SLC7A2: variants seen among roughly 807,000 people sequenced by gnomAD.
The protein encoded by SLC7A2 is solute carrier family 7 member 2.
In SLC7A2, 48 loss-of-function variants were observed where a neutral mutation model predicts 58.9. The observed-to-expected ratio is 0.82, with a 90% confidence interval of 0.65 to 1.04. The LOEUF is 1.04. Ranked by LOEUF, SLC7A2 falls within the 50% of genes least tolerant of loss-of-function variation. SLC7A2 has a pLI of 0.00. For synonymous variants in SLC7A2, 363 were observed against 314.5 expected (o/e 1.15, Z -1.63); for missense variants, 1,029 against 818.8 (o/e 1.26, Z -3.13).
Position 17,570,443 on chromosome 8 carries a change from C to G in SLC7A2, c.*5297C>G, listed in dbSNP as rs1803454197. On this transcript the variant is annotated 3_prime_UTR_variant, in exon 13 of 13. Coordinates refer to ENST00000494857, the MANE Select transcript of SLC7A2 (RefSeq NM_001370338.1). ...AATGTTTTAAGTGATCATCAGTGTTCCTTTTTACTTATAAAGTTGGATTCT... is the reference window on the plus strand; with the variant it reads ...AATGTTTTAAGTGATCATCAGTGTTGCTTTTTACTTATAAAGTTGGATTCT... 1 of 152,412 alleles carries G rather than the reference C, an allele frequency of 6.6e-6. No homozygotes were observed. Among genetic ancestry groups the G allele is most frequent in the South Asian group, 2.1e-4 (1 of 4,812 alleles). 9.4% of individuals were successfully genotyped at this position (152,412 alleles called of 1,614,324 possible). A position where few individuals can be genotyped will look rare whatever the true frequency, so the allele number is the denominator to read the frequency against.
chr8:17,562,027 C>T lies in SLC7A2; in HGVS notation c.1588C>T (p.Leu530Phe), dbSNP rs746249353. Residue 530 changes from leucine (L) to phenylalanine (F), a missense_variant, in exon 11 of 13, where the codon CTC (leucine) becomes TTC (phenylalanine). Transcript: ENST00000494857. ...TRLEAWSLAL[L>F]ALFLVLFVAI... ...GCTGGAGGCCTGGAGCCTCGCTCTC[C>T]TCGCGCTGTTTCTTGTTCTCTTCGT... The T allele has an allele frequency of 3.3e-5, 54 of 1,613,988 alleles. No homozygotes were observed. Among genetic ancestry groups the T allele is most frequent in the Admixed American group, 8.3e-5 (5 of 60,002 alleles).
chr8:17,522,941 G>C (rs896707724), intron 2 of SLC7A2, among the ~76,000 whole-genome samples: 1 of 151,954 alleles, frequency 6.6e-6, no homozygotes, highest in African/African-American at 2.4e-5. Flanking sequence ...AGGCTGAAGT[G>C]GGAGGATTGC....
intron 1 of SLC7A2, among the ~76,000 whole-genome samples, chr8:17,498,177 T>C (rs952724395): frequency 6.6e-6 from 1 of 152,246 alleles, no homozygotes; most frequent in Non-Finnish European, 1.5e-5. Context: ...TTTGGACCAG[T>C]AATAAGATTT....
At position 17,565,473 on chromosome 8, in the gene SLC7A2, C is replaced by T. The variant is rs934774887; in HGVS notation, c.*327C>T. Reference sequence around the variant, plus strand: ...CTGGTGTTTTACTATTATTGTGTTACATTTTTCCAGTGTCGTCATTAATCG... The same window carrying T: ...CTGGTGTTTTACTATTATTGTGTTATATTTTTCCAGTGTCGTCATTAATCG... On this transcript the variant is annotated 3_prime_UTR_variant, in exon 13 of 13. Coordinates refer to ENST00000494857, the MANE Select transcript of SLC7A2 (RefSeq NM_001370338.1). The T allele has an allele frequency of 4.6e-6, 1 of 217,328 alleles. No individual in the cohort carries two copies. Among genetic ancestry groups the T allele is most frequent in the Non-Finnish European group, 9.2e-6 (1 of 109,072 alleles). 13.5% of individuals were successfully genotyped at this position (217,328 alleles called of 1,614,324 possible).
At chr8:17,497,483 C>T (rs1226426315) in intron 1 of SLC7A2, among the ~76,000 whole-genome samples, 2 of 152,174 alleles carry the variant, frequency 1.3e-5, no homozygotes, top group Non-Finnish European at 1.5e-5. Context: ...CTCGGGGCTG[C>T]GCCCCGGAAT....
chr8:17,511,294 G>C (rs1385255361), intron 2 of SLC7A2: 2 of 152,162 alleles, frequency 1.3e-5, no homozygotes, highest in African/African-American at 4.8e-5. Context: ...AAAAAGTTAA[G>C]CATTTTCTCC....
intron 2 of SLC7A2, among the ~76,000 whole-genome samples, chr8:17,538,286 C>T (rs17124783): frequency 0.041 from 6,220 of 152,196 alleles, 185 homozygotes; most frequent in African/African-American, 0.086. Flanking sequence ...TACACTTGCA[C>T]GAACTTCTCT....
intron 8 of SLC7A2, among the ~76,000 whole-genome samples, chr8:17,557,842 A>G (rs1289981081): frequency 9.8e-6 from 1 of 102,000 alleles, no homozygotes. Flanking sequence ...AGAAAAAAAG[A>G]ATTGAGTTGT....
At chr8:17,534,171 G>A (rs145152945) in intron 2 of SLC7A2, among the ~76,000 whole-genome samples, 280 of 152,218 alleles carry the variant, frequency 1.8e-3, no homozygotes, top group Non-Finnish European at 2.3e-3. Flanking sequence ...TTATTGATGG[G>A]CACAGGCTAT....
chr8:17,496,848 G>A (rs1799970147), upstream of SLC7A2, among the ~76,000 whole-genome samples: 1 of 151,918 alleles, frequency 6.6e-6, no homozygotes, highest in South Asian at 2.1e-4. Context: ...CTCTTCCCCG[G>A]CCCGCGCCCA....
intron 2 of SLC7A2, among the ~76,000 whole-genome samples, chr8:17,509,838 A>G (rs931536477): frequency 1.3e-5 from 2 of 152,154 alleles, no homozygotes; most frequent in Non-Finnish European, 2.9e-5. Flanking sequence ...TTAGTAAATC[A>G]TGAAATTCTG....
chr8:17,558,377 A>T lies in SLC7A2; in HGVS notation c.1278A>T (p.Ala426=). 6.2e-7 allele frequency: 1 copy of T among 1,612,652 alleles called. No homozygotes were observed. The highest frequency in any genetic ancestry group is 8.5e-7 in the Non-Finnish European group (1 of 1,178,946). Residue 426 remains alanine (A), a synonymous_variant, in exon 9 of 13, where the codon GCA becomes GCT. Coordinates refer to ENST00000494857, the MANE Select transcript of SLC7A2 (RefSeq NM_001370338.1). ...IGTLMAYSLV[A]ACVLILRYQP... is the part of the protein sequence containing the mutation. Reference sequence around the variant, plus strand: ...CACTCATGGCCTACTCTCTGGTGGCAGCCTGTGTTCTCATCCTCAGGTGAG... The same window carrying T: ...CACTCATGGCCTACTCTCTGGTGGCTGCCTGTGTTCTCATCCTCAGGTGAG...
intron 2 of SLC7A2, among the ~76,000 whole-genome samples, chr8:17,502,609 A>C (rs1472908960): frequency 6.6e-6 from 1 of 152,162 alleles, no homozygotes; most frequent in Non-Finnish European, 1.5e-5. Context: ...GGTTCTTGTG[A>C]ATGTACCTTT....
intron 2 of SLC7A2, among the ~76,000 whole-genome samples, chr8:17,508,990 G>A (rs183321962): frequency 1.3e-5 from 2 of 152,216 alleles, no homozygotes; most frequent in East Asian, 3.9e-4. Flanking sequence ...GCGTGTGTTG[G>A]TGAAAGTTGG....
chr8:17,561,468 T>C (rs189778795), intron 10 of SLC7A2, among the ~76,000 whole-genome samples: 37 of 152,332 alleles, frequency 2.4e-4, no homozygotes, highest in African/African-American at 8.4e-4. Flanking sequence ...TATCTTGCAC[T>C]GGGTTCCTCC....
intron 2 of SLC7A2, among the ~76,000 whole-genome samples, chr8:17,503,476 A>G (rs1343954763): frequency 1.3e-5 from 2 of 152,218 alleles, no homozygotes; most frequent in Non-Finnish European, 2.9e-5. Context: ...TGTTCTAGCA[A>G]AGAGTACTTA....
intron 12 of SLC7A2, among the ~76,000 whole-genome samples, 156 bp downstream of exon 12, chr8:17,563,867 A>T (rs1803142607): frequency 6.6e-6 from 1 of 152,074 alleles, no homozygotes; most frequent in African/African-American, 2.4e-5. Flanking sequence ...ATGTTTTCAG[A>T]TGCCTTTTTA....
rs540777509 is a variant in SLC7A2 at position 17,524,694 on chromosome 8, C to A, written c.-22-18624C>A. On this transcript the variant is annotated intron_variant, in intron 2 of 12. Transcript: ENST00000494857. ...GGATGGTGAGGGATAAAAGACTACA[C>A]ACTGGGTACAGGGTACACTGCTCGG... 3.2e-4 allele frequency among the ~76,000 whole-genome samples: 48 copies of A among 152,214 alleles called. 1 individual carries two copies. In the South Asian group the frequency reaches 9.5e-3, roughly 30 times the overall value.
chr8:17,540,096 C>T (rs759717530), intron 2 of SLC7A2, among the ~76,000 whole-genome samples: 8 of 152,044 alleles, frequency 5.3e-5, no homozygotes, highest in Admixed American at 6.6e-5. Flanking sequence ...TACAAAAGTA[C>T]GAGATACACT....
Sources: gnomAD v4.1 joint callset for allele counts (sites outside exome capture counted in the v4.1 genomes callset) on GRCh38, gnomAD v4.1.1 for gene constraint, MANE v1.5 for transcripts, NCBI Gene and HGNC (gene_info 2026-07-23, HGNC 2026-07-21) for gene names.